NCALD: variants seen among roughly 807,000 people sequenced by gnomAD.
NCALD encodes the protein neurocalcin delta, also known as neurocalcin-delta.
A neutral mutation model predicts 18.6 loss-of-function variants in NCALD; 10 were observed. The ratio of observed to expected loss-of-function variants is 0.54; its 90% CI spans 0.33 to 0.91. The LOEUF is 0.91. Ranked by LOEUF, NCALD falls within the 40% of genes least tolerant of loss-of-function variation. The pLI is 0.03. For missense variants in NCALD, 184 were observed against 247.6 expected, an observed-to-expected ratio of 0.74 and a Z score of 1.72; for synonymous variants, 88 against 87.4, an observed-to-expected ratio of 1.01 and a Z score of -0.04.
intron 1 of NCALD, among the ~76,000 whole-genome samples, chr8:101,733,007 C>T (rs538892100): frequency 6.1e-4 from 93 of 152,124 alleles, no homozygotes; most frequent in Non-Finnish European, 1.1e-3. Context: ...TGTAGAGAAG[C>T]TAACTGCCAT....
chr8:101,832,386 C>T (rs928842828), intron 4 of NCALD, among the ~76,000 whole-genome samples: 1 of 152,164 alleles, frequency 6.6e-6, no homozygotes, highest in Non-Finnish European at 1.5e-5. Context: ...TCTTCCTCTC[C>T]CATCAGAAAT....
rs894240642 is a variant in NCALD at position 101,716,593 on chromosome 8, T to C, written c.378+2659A>G. Among the ~76,000 whole-genome samples, 11 of 152,292 alleles carry C rather than the reference T, an allele frequency of 7.2e-5. No homozygotes were observed. In the East Asian group the frequency reaches 2.1e-3, roughly 29 times the overall value. Reference sequence around the variant, plus strand: ...CCCAGATGTTGATCCAGCACAAAAATATTTTCTTTAAAAAGGAACGCAACT... The same window carrying C: ...CCCAGATGTTGATCCAGCACAAAAACATTTTCTTTAAAAAGGAACGCAACT... On this transcript the variant is annotated intron_variant, in intron 2 of 3. Coordinates refer to ENST00000220931, the MANE Select transcript of NCALD (RefSeq NM_032041.3).
At chr8:101,840,671 C>T (rs949060084) in intron 4 of NCALD, among the ~76,000 whole-genome samples, 3 of 152,120 alleles carry the variant, frequency 2.0e-5, no homozygotes, top group African/African-American at 7.2e-5. Context: ...AATTGCAGGT[C>T]ATGGCATTAA....
At chr8:101,949,653 A>G (rs1385774650) in intron 2 of NCALD, among the ~76,000 whole-genome samples, 2 of 152,118 alleles carry the variant, frequency 1.3e-5, no homozygotes, top group African/African-American at 4.8e-5. Flanking sequence ...ATCATTTCCA[A>G]TGGGCTGATA....
intron 4 of NCALD, among the ~76,000 whole-genome samples, chr8:101,797,975 T>C (rs960210917): frequency 6.6e-6 from 1 of 152,146 alleles, no homozygotes; most frequent in African/African-American, 2.4e-5. Flanking sequence ...CAATTCATGA[T>C]AAAAACTCAC....
intron 2 of NCALD, among the ~76,000 whole-genome samples, chr8:101,917,823 CAAT>C (rs1818023329): frequency 1.3e-5 from 2 of 151,858 alleles, no homozygotes; most frequent in Admixed American, 6.6e-5. Flanking sequence ...GAACTTGAAG[CAAT>C]AATTTTTTAA....
At chr8:102,031,630 T>C (rs894150710) in intron 1 of NCALD, among the ~76,000 whole-genome samples, 6 of 152,294 alleles carry the variant, frequency 3.9e-5, no homozygotes, top group Non-Finnish European at 8.8e-5. Flanking sequence ...AATATCTCCA[T>C]CAGGCTCCTT....
At chr8:101,854,701 G>T (rs1815235782) in intron 4 of NCALD, among the ~76,000 whole-genome samples, 1 of 152,138 alleles carries the variant, frequency 6.6e-6, no homozygotes, top group Admixed American at 6.5e-5. Context: ...GACTTATGCT[G>T]AAATTCAGGG....
chr8:101,878,167 A>C (rs1188072882), intron 4 of NCALD, among the ~76,000 whole-genome samples: 4 of 152,246 alleles, frequency 2.6e-5, no homozygotes, highest in African/African-American at 9.6e-5. Context: ...TGAAGCATTC[A>C]GTGAAAACTA....
chr8:101,798,171 G>A (rs1002098066), intron 4 of NCALD, among the ~76,000 whole-genome samples: 1 of 152,034 alleles, frequency 6.6e-6, no homozygotes, highest in Non-Finnish European at 1.5e-5. Context: ...AATAAGGTAA[G>A]GAAAAAACTT....
intron 2 of NCALD, among the ~76,000 whole-genome samples, chr8:101,708,549 A>G (rs554645392): frequency 6.6e-6 from 1 of 152,356 alleles, no homozygotes; most frequent in Non-Finnish European, 1.5e-5. Flanking sequence ...GCCAACAATT[A>G]TTGAGTGATA....
chr8:102,083,614 C>T (rs1446386326), intron 1 of NCALD, among the ~76,000 whole-genome samples: 2 of 152,184 alleles, frequency 1.3e-5, no homozygotes, highest in East Asian at 1.9e-4. Flanking sequence ...AATTTTGCTC[C>T]ATCCCTATCC....
intron 1 of NCALD, among the ~76,000 whole-genome samples, chr8:102,098,306 GTATTTATCCTCCCCATTT>G (rs1825169796): frequency 3.3e-5 from 5 of 152,112 alleles, no homozygotes; most frequent in African/African-American, 1.2e-4. Flanking sequence ...AGCAATTGGG[GTATTTATCCTCCCCATTT>G]CCTCCTCACC....
intron 4 of NCALD, among the ~76,000 whole-genome samples, chr8:101,862,998 A>ATC (rs1815607777): frequency 6.6e-6 from 1 of 152,226 alleles, no homozygotes; most frequent in African/African-American, 2.4e-5. Context: ...CCCAAGAAGA[A>ATC]AAGTCAAGTG....
At chr8:101,892,042 G>A (rs1816920014) in intron 3 of NCALD, among the ~76,000 whole-genome samples, 1 of 152,058 alleles carries the variant, frequency 6.6e-6, no homozygotes. Context: ...GCCTCTGTAG[G>A]CTCCACCTCT....
At chr8:101,706,880 AGATAAATCCCCT>A (rs55855667) in intron 2 of NCALD, among the ~76,000 whole-genome samples, 66,097 of 151,678 alleles carry the variant, frequency 0.44, 17,778 homozygotes, top group Non-Finnish European at 0.6. Context: ...ATTTGCAATA[AGATAAATCCCCT>A]GATAAGAAAG....
intron 1 of NCALD, among the ~76,000 whole-genome samples, chr8:101,758,806 G>A (rs1353447504): frequency 6.6e-6 from 1 of 150,716 alleles, no homozygotes; most frequent in Non-Finnish European, 1.5e-5. Flanking sequence ...GTCTAGCATA[G>A]TGCTGGGACA....
chr8:101,817,820 C>T (rs1813560142), intron 4 of NCALD, among the ~76,000 whole-genome samples: 1 of 152,130 alleles, frequency 6.6e-6, no homozygotes, highest in African/African-American at 2.4e-5. Context: ...CCTCTGACAC[C>T]AGAGATTTCA....
In NCALD at chr8:101,689,914, C is replaced by T. The variant is rs930374193; in HGVS notation, c.485-508G>A. 4.6e-5 allele frequency among the ~76,000 whole-genome samples: 7 copies of T among 152,234 alleles called. No individual in the cohort carries two copies. Among genetic ancestry groups the T allele is most frequent in the Non-Finnish European group, 7.3e-5 (5 of 68,038 alleles). On this transcript the variant is annotated intron_variant, in intron 3 of 3. Transcript: ENST00000220931. The surrounding 1 kb of genome is among the most constrained non-coding windows in gnomAD (Gnocchi z 4.4). ...CTTAGGTTTGCTGCAAGAGCCCATC[C>T]TATCTTGGGGAAGAAGCCGTGGACG... is the stretch of plus-strand genomic sequence containing the variant.
Sources: gnomAD v4.1 joint callset for allele counts (sites outside exome capture counted in the v4.1 genomes callset) on GRCh38, gnomAD v4.1.1 for gene constraint, Gnocchi (gnomAD v3.1) non-coding constraint, MANE v1.5 for transcripts, NCBI Gene and HGNC (gene_info 2026-07-23, HGNC 2026-07-21) for gene names.